RNF103: variants seen among roughly 807,000 people sequenced by gnomAD.
RNF103 encodes the protein ring finger protein 103.
In RNF103, 23 loss-of-function variants were observed where a neutral mutation model predicts 66.2. The observed-to-expected ratio is 0.35, with a 90% CI of 0.25 to 0.49. The LOEUF is 0.49. Among genes scored for constraint, RNF103 ranks in the 20% least tolerant of loss-of-function variants. RNF103 has a pLI of 0.98. For synonymous variants in RNF103, 297 were observed against 289.9 expected (o/e 1.02, Z -0.25); for missense variants, 730 against 814.7 (o/e 0.90, Z 1.27).
chr2:86,617,656 T>C (rs1320649062), intron 2 of RNF103: 7 of 985,364 alleles, frequency 7.1e-6, no homozygotes, highest in South Asian at 4.6e-5. Context: ...ACAATTCAAA[T>C]TGTTAAAAAC....
intron 3 of RNF103, 147 bp downstream of exon 3, chr2:86,612,012 C>G (rs1678814798): frequency 6.1e-6 from 3 of 491,088 alleles, no homozygotes; most frequent in Admixed American, 4.0e-5. Context: ...TTATCAAAAA[C>G]CATTAATCAA....
Position 86,604,657 on chromosome 2 carries a change from GA to G in RNF103, c.1243del (p.Ser415HisfsTer16). 6.2e-7 allele frequency: 1 copy of G among 1,614,208 alleles called. No homozygotes were observed. ...WVRADWMFYS[S>X]HPALFLSTYL... The stretch of plus-strand genomic sequence containing the variant: ...TGTACTGAGAAACAGGGCTGGGTGT[GA>G]AGAGTAAAACATCCAGTCTGCCCTT... On this transcript the variant is annotated frameshift_variant, in exon 4 of 4. Coordinates refer to ENST00000237455, the MANE Select transcript of RNF103 (RefSeq NM_005667.4). LOFTEE classifies it high-confidence loss of function.
chr2:86,608,555 T>C (rs964568945), intron 3 of RNF103, among the ~76,000 whole-genome samples: 1 of 150,540 alleles, frequency 6.6e-6, no homozygotes, highest in African/African-American at 2.4e-5. Flanking sequence ...TGTTTATATA[T>C]GCTGTTTTTT....
At chr2:86,608,449 T>C (rs1283690241) in intron 3 of RNF103, among the ~76,000 whole-genome samples, 1 of 136,360 alleles carries the variant, frequency 7.3e-6, no homozygotes, top group Non-Finnish European at 1.5e-5. Context: ...ATCGTGCCAC[T>C]GTACTCCAGC....
At chr2:86,621,040 AAAAGG>A (rs1659324626) in intron 1 of RNF103, among the ~76,000 whole-genome samples, 1 of 152,200 alleles carries the variant, frequency 6.6e-6, no homozygotes, top group African/African-American at 2.4e-5. Context: ...TCATTAAACA[AAAAGG>A]AAAGGAAAAC....
intron 3 of RNF103, among the ~76,000 whole-genome samples, chr2:86,605,716 A>G (rs1318779261): frequency 6.6e-6 from 1 of 152,206 alleles, no homozygotes; most frequent in Non-Finnish European, 1.5e-5. Flanking sequence ...GCTAAGATCC[A>G]GAAGACAAGA....
Position 86,623,564 on chromosome 2 carries a change from C to T in RNF103, c.-678G>A. 1.0e-6 allele frequency: 1 copy of T among 996,796 alleles called. No homozygotes were observed. The highest frequency in any genetic ancestry group is 1.2e-6 in the Non-Finnish European group (1 of 836,730). The allele number at this position is 996,796 out of a possible 1,614,324, so 61.7% of individuals were successfully genotyped here. On this transcript the variant is annotated 5_prime_UTR_variant, in exon 1 of 4. Transcript: ENST00000237455. ...GGGCACGGCGGCGGCTCCAGGTTCG[C>T]TCGGGCCGGCTGGCGGGCGGCGCCT...
rs764860355 is a variant in RNF103 at position 86,623,829 on chromosome 2, G to A, written c.-943C>T. On this transcript the variant is annotated 5_prime_UTR_variant, in exon 1 of 4. Transcript: ENST00000237455. ...CCGCGGCCGTACCCTCCACAACCGT[G>A]TATCAGCGGCGGCCGCGGCCGGAGC... 1.5e-5 allele frequency: 19 copies of A among 1,288,064 alleles called. No individual in the cohort carries two copies. In the East Asian group the frequency reaches 3.9e-4, roughly 27 times the overall value. 79.8% of individuals were successfully genotyped at this position (1,288,064 alleles called of 1,614,324 possible). A position where few individuals can be genotyped will look rare whatever the true frequency, so the allele number is the denominator to read the frequency against.
Position 86,604,547 on chromosome 2 carries a change from A to C in RNF103, c.1354T>G (p.Leu452Val). Reference protein sequence around the residue: ...NNNDEVNANNLEWLSSLWDWY... With the variant: ...NNNDEVNANNVEWLSSLWDWY... ...TCCCACAGACTTGATAACCATTCTA[A>C]GTTATTGGCATTGACTTCATCATTG... The change falls in exon 4 of 4, where the codon TTA becomes GTA. Residue 452 changes from leucine (L) to valine (V), a missense_variant. Leu to Val is a conservative substitution (Grantham distance 32). This residue lies in a region of RNF103 where 355 missense variants were observed against 351.9 expected (regional missense o/e 1.01). Transcript: ENST00000237455. 1.2e-6 allele frequency: 2 copies of C among 1,614,176 alleles called. 1 individual carries two copies. The highest frequency in any genetic ancestry group is 3.3e-4 in the Middle Eastern group (2 of 6,062).
chr2:86,620,558 T>A (rs1679192627), intron 1 of RNF103, 89 bp from the exon 2 acceptor site: 1 of 1,367,416 alleles, frequency 7.3e-7, no homozygotes. Context: ...CTGTTAAGAA[T>A]CATGATATTG....
intron 3 of RNF103, among the ~76,000 whole-genome samples, chr2:86,606,755 T>C (rs1678581979): frequency 6.6e-6 from 1 of 151,922 alleles, no homozygotes; most frequent in Admixed American, 6.6e-5. Context: ...TTTCCTTTTG[T>C]TTTTATTTTT....
rs538617408 is a variant in RNF103 at position 86,606,629 on chromosome 2, C to T, written c.483-1211G>A. ...AGTGAGCCGAGATCACGCCACTGCA[C>T]TCCAGCCTGGGCGACAGAGCAAAAC... On this transcript the variant is annotated intron_variant, in intron 3 of 3. Transcript: ENST00000237455. Among the ~76,000 whole-genome samples the T allele has an allele frequency of 3.5e-5, 5 of 142,804 alleles. No individual in the cohort carries two copies. In the South Asian group the frequency reaches 1.1e-3, roughly 32 times the overall value. 93.7% of individuals were successfully genotyped at this position (142,804 alleles called of 152,430 possible). A position where few individuals can be genotyped will look rare whatever the true frequency, so the allele number is the denominator to read the frequency against.
intron 2 of RNF103, chr2:86,613,390 A>G (rs1435983723): frequency 6.6e-6 from 1 of 152,238 alleles, no homozygotes; most frequent in Non-Finnish European, 1.5e-5. Flanking sequence ...AAAAAACATT[A>G]AAAACAAGAC....
At chr2:86,610,482 A>G (rs76927801) in intron 3 of RNF103, among the ~76,000 whole-genome samples, 7,638 of 152,180 alleles carry the variant, frequency 0.05, 346 homozygotes, top group African/African-American at 0.12. Flanking sequence ...TGCCCCCACC[A>G]AATCATTCTT....
chr2:86,623,548 G>A lies in RNF103; in HGVS notation c.-662C>T, dbSNP rs909136522. On this transcript the variant is annotated 5_prime_UTR_variant, in exon 1 of 4. Transcript: ENST00000237455. ...CCGCGAGAAGAGCGGCGGGCACGGC[G>A]GCGGCTCCAGGTTCGCTCGGGCCGG... 1.0e-5 allele frequency: 10 copies of A among 985,118 alleles called. No homozygotes were observed. The highest frequency in any genetic ancestry group is 3.5e-5 in the African/African-American group (2 of 57,056). 61.0% of individuals were successfully genotyped at this position (985,118 alleles called of 1,614,324 possible).
intron 3 of RNF103, among the ~76,000 whole-genome samples, chr2:86,605,642 CCT>C (rs780088882): frequency 3.1e-4 from 47 of 152,098 alleles, no homozygotes; most frequent in Non-Finnish European, 5.9e-4. Flanking sequence ...TCTTGAAAAG[CCT>C]CTGAGTCAAA....
In RNF103 at chr2:86,604,071, A is replaced by G; in HGVS notation, c.1830T>C (p.Thr610=). The change falls in exon 4 of 4, where the codon ACT becomes ACC. Residue 610 remains threonine, a synonymous_variant. Coordinates refer to ENST00000237455, the MANE Select transcript of RNF103 (RefSeq NM_005667.4). ...TNEDMEPDWL[T]WPADMLHCTE... is the part of the protein sequence containing the mutation. The stretch of plus-strand genomic sequence containing the variant: ...TACAGTGCAGCATATCAGCAGGCCA[A>G]GTTAACCAATCAGGTTCCATATCTT... The G allele has an allele frequency of 6.2e-7, 1 of 1,613,984 alleles. No individual in the cohort carries two copies. The highest frequency in any genetic ancestry group is 8.5e-7 in the Non-Finnish European group (1 of 1,180,042).
At chr2:86,620,116 T>G (rs1458009298) in intron 2 of RNF103, among the ~76,000 whole-genome samples, 1 of 152,118 alleles carries the variant, frequency 6.6e-6, no homozygotes, top group East Asian at 1.9e-4. Flanking sequence ...TTGACCCCCA[T>G]CCCCCATCTT....
rs749420808 is a variant in RNF103 at position 86,604,219 on chromosome 2, A to C, written c.1682T>G (p.Leu561Arg). 1.2e-6 allele frequency: 2 copies of C among 1,614,096 alleles called. No homozygotes were observed. Among genetic ancestry groups the C allele is most frequent in the Non-Finnish European group, 1.7e-6 (2 of 1,180,028 alleles). ...ACTTGCTGTTCCTGGAGAATTGTGA[A>C]GTACGCTTTGCTTATCTTCAAATAC... ...KEVFEDKQSV[L>R]HNSPGTASHC... The change falls in exon 4 of 4, where the codon CTT becomes CGT. Residue 561 changes from leucine to arginine, a missense_variant. Transcript: ENST00000237455.
Sources: gnomAD v4.1 joint callset for allele counts (sites outside exome capture counted in the v4.1 genomes callset) on GRCh38, gnomAD v4.1.1 for gene constraint, gnomAD v4.1.1 regional missense constraint, MANE v1.5 for transcripts, NCBI Gene and HGNC (gene_info 2026-07-23, HGNC 2026-07-21) for gene names.